Variants in PCBP2 observed in about 807,000 individuals in gnomAD.
PCBP2 encodes poly(rC) binding protein 2, also known as poly(rC)-binding protein 2.
Under a neutral mutation model 50.1 loss-of-function variants are expected in PCBP2, and 4 were observed. That is an observed-to-expected ratio of 0.08 (90% CI 0.04 to 0.18). The LOEUF (loss-of-function observed/expected upper bound fraction) is 0.18. PCBP2 is among the 10% of genes least tolerant of loss of function. The pLI, the probability that PCBP2 is intolerant of heterozygous loss-of-function variation, is 1.00. For missense variants in PCBP2, 161 were observed against 474.3 expected, an observed-to-expected ratio of 0.34 and a Z score of 6.14; for synonymous variants, 179 against 168.0, an observed-to-expected ratio of 1.07 and a Z score of -0.51.
chr12:53,479,207 G>A (rs1252516730), intron 14 of PCBP2, among the ~76,000 whole-genome samples, 199 bp from the exon 15 acceptor site: 1 of 152,140 alleles, frequency 6.6e-6, no homozygotes, highest in Non-Finnish European at 1.5e-5. Context: ...GTTTCCCTTG[G>A]TTCTGAGGTA....
In PCBP2 at chr12:53,472,451, A is replaced by T. The variant is rs11836926; in HGVS notation, c.1052+644A>T. Among the ~76,000 whole-genome samples the T allele has an allele frequency of 8.2e-3, 1,249 of 152,120 alleles. 15 individuals carry two copies. The highest frequency in any genetic ancestry group is 0.029 in the African/African-American group (1,207 of 41,480). ...TTATCCATAGCTAGGTAGTGTTACT[A>T]CTCTCAATTTTAGGACACTGTTCAC... On this transcript the variant is annotated intron_variant, in intron 14 of 14. Coordinates refer to ENST00000546463, the MANE Select transcript of PCBP2 (RefSeq NM_031989.5).
chr12:53,466,042 T>G, intron 10 of PCBP2, 69 bp downstream of exon 10: 1 of 1,332,244 alleles, frequency 7.5e-7, no homozygotes, highest in Middle Eastern at 1.8e-4. Flanking sequence ...CACTCCTCTC[T>G]CCCAAGTAGC....
intron 7 of PCBP2, among the ~76,000 whole-genome samples, chr12:53,461,915 C>T (rs1941477419): frequency 6.6e-6 from 1 of 152,030 alleles, no homozygotes; most frequent in African/African-American, 2.4e-5. Flanking sequence ...TGCCATGTTG[C>T]CCAGGCTGGT....
intron 8 of PCBP2, among the ~76,000 whole-genome samples, chr12:53,463,316 G>A (rs1941582499): frequency 6.6e-6 from 1 of 152,274 alleles, no homozygotes; most frequent in African/African-American, 2.4e-5. Flanking sequence ...AAGGACCATG[G>A]TAGTCCTATG....
chr12:53,454,485 C>T, intron 1 of PCBP2: 1 of 301,858 alleles, frequency 3.3e-6, no homozygotes, highest in South Asian at 3.7e-5. Flanking sequence ...CCTTGTTCAT[C>T]CTGAGAGTCA....
chr12:53,477,665 C>CAAAAAAAAAAAAAAAAAAAAAAAAA, intron 14 of PCBP2, among the ~76,000 whole-genome samples: 1 of 52,868 alleles, frequency 1.9e-5, no homozygotes. Flanking sequence ...GACTCTGTCT[C>CAAAAAAAAAAAAAAAAAAAAAAAAA]AAAAAAAAAA....
At chr12:53,479,356 T>G (rs1265640614) in intron 14 of PCBP2, 50 bp from the exon 15 acceptor site, 1 of 1,531,966 alleles carries the variant, frequency 6.5e-7, no homozygotes, top group Admixed American at 1.7e-5. Context: ...AGAGATGAGG[T>G]GCAGCTGAGC....
intron 10 of PCBP2, among the ~76,000 whole-genome samples, chr12:53,466,721 CAGT>C (rs375367536): frequency 6.6e-6 from 1 of 152,190 alleles, no homozygotes; most frequent in African/African-American, 2.4e-5. Context: ...CTGTAGTAGT[CAGT>C]GGTGGCGGTG....
At chr12:53,458,611 T>C (rs1359850073) in intron 5 of PCBP2, among the ~76,000 whole-genome samples, 2 of 152,102 alleles carry the variant, frequency 1.3e-5, no homozygotes, top group East Asian at 1.9e-4. Context: ...CCGGTCTGTT[T>C]TATATTTTTT....
At chr12:53,467,075 G>A in intron 10 of PCBP2, 146 bp from the exon 11 acceptor site, 1 of 615,852 alleles carries the variant, frequency 1.6e-6, no homozygotes, top group Non-Finnish European at 2.9e-6. Context: ...CCAGGATTGT[G>A]ATGCAAGCCC....
At chr12:53,468,663 C>G in intron 12 of PCBP2, 114 bp from the exon 13 acceptor site, 1 of 812,742 alleles carries the variant, frequency 1.2e-6, no homozygotes, top group Admixed American at 1.9e-5. Context: ...TGATGAATCC[C>G]AACAGCTAAT....
intron 13 of PCBP2, among the ~76,000 whole-genome samples, chr12:53,469,990 C>A (rs1346338867): frequency 1.3e-5 from 2 of 152,042 alleles, no homozygotes; most frequent in African/African-American, 4.8e-5. Flanking sequence ...ACGTGATCCC[C>A]CCCCTTCAGC....
chr12:53,458,193 G>A (rs187882748), intron 5 of PCBP2, among the ~76,000 whole-genome samples: 138 of 151,714 alleles, frequency 9.1e-4, no homozygotes, highest in Non-Finnish European at 1.1e-3. Context: ...CTCCCAAAGT[G>A]CTGGGAATAC....
intron 9 of PCBP2, among the ~76,000 whole-genome samples, chr12:53,465,373 G>A (rs1157466193): frequency 1.3e-5 from 2 of 152,168 alleles, no homozygotes; most frequent in Admixed American, 1.3e-4. Flanking sequence ...TTAGAACCCA[G>A]TGGTTTTTGT....
At chr12:53,467,865 AT>A (rs768627939) in intron 12 of PCBP2, 22 bp downstream of exon 12, 1 of 1,497,952 alleles carries the variant, frequency 6.7e-7, no homozygotes, top group Non-Finnish European at 9.3e-7. Context: ...AAAAAAAAAA[AT>A]CTGTAGTATT....
chr12:53,470,059 T>C (rs1429969837), intron 13 of PCBP2, among the ~76,000 whole-genome samples: 1 of 152,020 alleles, frequency 6.6e-6, no homozygotes, highest in Non-Finnish European at 1.5e-5. Flanking sequence ...TTTTGTTTTT[T>C]TGTAGAAGCT....
At position 53,480,311 on chromosome 12, in the gene PCBP2, A is replaced by G. The variant is rs552643895; in HGVS notation, c.*869A>G. On this transcript the variant is annotated 3_prime_UTR_variant, in exon 15 of 15. Coordinates refer to ENST00000546463, the MANE Select transcript of PCBP2 (RefSeq NM_031989.5). The stretch of plus-strand genomic sequence containing the variant: ...AAGTTAGAAGGATGTATCTGCTACC[A>G]TTTATTCCTATAATTTTAGAAAGTT... The G allele has an allele frequency of 6.6e-6, 1 of 152,310 alleles. No individual in the cohort carries two copies. The highest frequency in any genetic ancestry group is 1.5e-5 in the Non-Finnish European group (1 of 68,026). The allele number at this position is 152,310 out of a possible 1,614,324, so 9.4% of individuals were successfully genotyped here.
At position 53,479,488 on chromosome 12, in the gene PCBP2, C is replaced by A. The variant is rs758976574; in HGVS notation, c.*46C>A. ...AATCCCTTTCTGCTGTTCACCACCA[C>A]CCATGATCCATCTGTGTAGTTTCTG... On this transcript the variant is annotated 3_prime_UTR_variant, in exon 15 of 15. Coordinates refer to ENST00000546463, the MANE Select transcript of PCBP2 (RefSeq NM_031989.5). 5.2e-6 allele frequency: 8 copies of A among 1,539,940 alleles called. No homozygotes were observed. The highest frequency in any genetic ancestry group is 2.1e-4 in the Middle Eastern group (1 of 4,864).
At chr12:53,472,008 G>C (rs187273058) in intron 14 of PCBP2, among the ~76,000 whole-genome samples, 4,196 of 149,704 alleles carry the variant, frequency 0.028, 201 homozygotes, top group East Asian at 0.2. Context: ...GGTTGGTGGG[G>C]GGGGGAGCAC....
Sources: gnomAD v4.1 joint callset for allele counts (sites outside exome capture counted in the v4.1 genomes callset) on GRCh38, gnomAD v4.1.1 for gene constraint, MANE v1.5 for transcripts, NCBI Gene and HGNC (gene_info 2026-07-23, HGNC 2026-07-21) for gene names.